BBX: variants seen among roughly 807,000 people sequenced by gnomAD.
BBX encodes the protein BBX high mobility group box domain containing, also known as HMG box transcription factor BBX.
BBX carries 30 observed loss-of-function variants against 100.2 expected under a neutral mutation model. The observed-to-expected ratio is 0.30, with a 90% confidence interval of 0.22 to 0.41. BBX has a LOEUF of 0.41. BBX is among the 10% of genes least tolerant of loss of function. The pLI is 1.00. For synonymous variants in BBX, 376 were observed against 388.1 expected (o/e 0.97, Z 0.37); for missense variants, 1,023 against 1,129.8 (o/e 0.91, Z 1.35).
chr3:107,690,803 T>C lies in BBX; in HGVS notation c.-9-19649T>C, dbSNP rs2060112422. Among the ~76,000 whole-genome samples the C allele has an allele frequency of 2.0e-5, 3 of 151,932 alleles. No homozygotes were observed. In the South Asian group the frequency reaches 6.2e-4, roughly 32 times the overall value. On this transcript the variant is annotated intron_variant, in intron 3 of 17. Coordinates refer to ENST00000325805, the MANE Select transcript of BBX (RefSeq NM_001142568.3). The stretch of plus-strand genomic sequence containing the variant: ...TGTGGGTAGTGATTTACAACATTCT[T>C]GTACTGTGCATTGAGAAGAAAATTA...
intron 3 of BBX, among the ~76,000 whole-genome samples, chr3:107,697,525 G>A (rs975051854): frequency 3.3e-5 from 5 of 151,908 alleles, no homozygotes; most frequent in African/African-American, 1.2e-4. Flanking sequence ...CAGGGGTCAG[G>A]GACCCACTTG....
chr3:107,605,706 C>CAT (rs1277379102), intron 2 of BBX, among the ~76,000 whole-genome samples: 2 of 152,118 alleles, frequency 1.3e-5, no homozygotes, highest in Non-Finnish European at 1.5e-5. Flanking sequence ...AAGGGACAGG[C>CAT]ATGTATGTCC....
intron 2 of BBX, among the ~76,000 whole-genome samples, chr3:107,549,855 G>A (rs888274319): frequency 2.0e-4 from 29 of 145,936 alleles, no homozygotes; most frequent in African/African-American, 5.1e-4. Flanking sequence ...TTAAGTAAGC[G>A]TGCTTGTTCT....
intron 15 of BBX, among the ~76,000 whole-genome samples, chr3:107,794,924 T>C (rs1210583550): frequency 6.6e-6 from 1 of 152,224 alleles, no homozygotes; most frequent in African/African-American, 2.4e-5. Flanking sequence ...ACATTCCTGA[T>C]GTGGCTCCAG....
chr3:107,779,509 T>G (rs1206329423), intron 13 of BBX, among the ~76,000 whole-genome samples: 1 of 152,076 alleles, frequency 6.6e-6, no homozygotes, highest in Admixed American at 6.6e-5. Flanking sequence ...GTAGTTGCTT[T>G]CAAGATCAGA....
intron 5 of BBX, among the ~76,000 whole-genome samples, chr3:107,723,774 T>G (rs1382851220): frequency 6.6e-6 from 1 of 152,174 alleles, no homozygotes; most frequent in Non-Finnish European, 1.5e-5. Context: ...TATTCCATGG[T>G]GTATATGTGC....
chr3:107,697,215 G>A (rs374685833), intron 3 of BBX, among the ~76,000 whole-genome samples: 41 of 151,848 alleles, frequency 2.7e-4, no homozygotes, highest in Admixed American at 2.3e-3. Flanking sequence ...GTCATTCTCC[G>A]TCCAGCTTTG....
intron 7 of BBX, among the ~76,000 whole-genome samples, chr3:107,736,779 A>G (rs868579811): frequency 6.6e-6 from 1 of 152,152 alleles, no homozygotes; most frequent in Admixed American, 6.5e-5. Flanking sequence ...AGAAAGGATG[A>G]CATCCAGTAT....
chr3:107,570,836 A>G (rs1576344718), intron 2 of BBX, among the ~76,000 whole-genome samples: 1 of 152,036 alleles, frequency 6.6e-6, no homozygotes, highest in African/African-American at 2.4e-5. Context: ...AGAAAGAAGA[A>G]GGATTTGGGA....
chr3:107,633,205 T>C (rs2107735668), intron 2 of BBX, among the ~76,000 whole-genome samples: 1 of 152,250 alleles, frequency 6.6e-6, no homozygotes, highest in Non-Finnish European at 1.5e-5. Context: ...AAAACAGTTA[T>C]ATGAAAATAG....
intron 2 of BBX, among the ~76,000 whole-genome samples, chr3:107,574,648 C>T (rs1013765472): frequency 1.3e-5 from 2 of 152,046 alleles, no homozygotes; most frequent in Non-Finnish European, 2.9e-5. Flanking sequence ...ATTGTAAAAT[C>T]CACCTTTTAC....
intron 3 of BBX, among the ~76,000 whole-genome samples, chr3:107,709,062 A>G (rs1263978307): frequency 6.6e-6 from 1 of 152,220 alleles, no homozygotes; most frequent in Non-Finnish European, 1.5e-5. Flanking sequence ...ATAATTTAAT[A>G]TAGGATAGAA....
At chr3:107,789,701 A>G (rs1030671711) in intron 13 of BBX, 86 bp from the exon 14 acceptor site, 1 of 928,556 alleles carries the variant, frequency 1.1e-6, no homozygotes, top group Non-Finnish European at 1.6e-6. Context: ...CACAGGAGGG[A>G]GGAGGGTGGA....
chr3:107,568,065 T>C (rs961085409), intron 2 of BBX, among the ~76,000 whole-genome samples: 1 of 151,946 alleles, frequency 6.6e-6, no homozygotes, highest in East Asian at 1.9e-4. Flanking sequence ...AAAGGAAGTT[T>C]GGTGCTTCTT....
At chr3:107,523,573 A>C (rs2047521101) in intron 1 of BBX, 1 of 152,348 alleles carries the variant, frequency 6.6e-6, no homozygotes, top group Admixed American at 6.5e-5. Flanking sequence ...GAGCGGCCCC[A>C]GGAAAACAAC....
chr3:107,667,698 T>C (rs2058824796), intron 3 of BBX, among the ~76,000 whole-genome samples: 1 of 152,000 alleles, frequency 6.6e-6, no homozygotes, highest in African/African-American at 2.4e-5. Flanking sequence ...TTATCTATTA[T>C]ACAGTAAAGT....
chr3:107,660,270 A>G (rs993521457), intron 3 of BBX, among the ~76,000 whole-genome samples: 9 of 152,116 alleles, frequency 5.9e-5, no homozygotes, highest in African/African-American at 2.2e-4. Flanking sequence ...GACTTTTCCA[A>G]ATAAATTGCA....
chr3:107,776,033 C>T (rs9847481), intron 12 of BBX, among the ~76,000 whole-genome samples: 16,014 of 152,104 alleles, frequency 0.11, 1,067 homozygotes, highest in Middle Eastern at 0.16. Context: ...TGAAAATCCT[C>T]GTATTTCAGT....
At chr3:107,698,056 C>T (rs1421597960) in intron 3 of BBX, among the ~76,000 whole-genome samples, 3 of 151,772 alleles carry the variant, frequency 2.0e-5, no homozygotes, top group Non-Finnish European at 1.5e-5. Flanking sequence ...TGCTTTGGCT[C>T]GTGCACGGTG....
Sources: gnomAD v4.1 joint callset for allele counts (sites outside exome capture counted in the v4.1 genomes callset) on GRCh38, gnomAD v4.1.1 for gene constraint, MANE v1.5 for transcripts, NCBI Gene and HGNC (gene_info 2026-07-23, HGNC 2026-07-21) for gene names.